Variants in NCBP3 observed in about 807,000 individuals in gnomAD.
NCBP3 encodes nuclear cap-binding protein subunit 3.
In NCBP3, 20 loss-of-function variants were observed where a neutral mutation model predicts 75.7. The ratio of observed to expected loss-of-function variants is 0.26; its 90% CI spans 0.19 to 0.38. The LOEUF is 0.38. Among genes scored for constraint, NCBP3 ranks in the 10% least tolerant of loss-of-function variants. NCBP3 has a pLI of 1.00. For missense variants in NCBP3, 678 were observed against 796.9 expected (o/e 0.85, Z 1.80); for synonymous variants, 293 against 290.5 (o/e 1.01, Z -0.09).
In NCBP3 at chr17:3,822,047, T is replaced by G. The variant is rs377701206; in HGVS notation, c.802A>C (p.Lys268Gln). The change falls in exon 8 of 13, where the codon AAA (lysine) becomes CAA (glutamine). Residue 268 changes from lysine (K) to glutamine (Q), a missense_variant. Coordinates refer to ENST00000389005, the MANE Select transcript of NCBP3 (RefSeq NM_001114118.3). ...LFMRFATKDD[K>Q]KELGAARRSQ... ...CTTCTGGCTGCTCCAAGTTCCTTTT[T>G]GTCATCTAAAAATTAATGACAATAG... 1.2e-6 allele frequency: 2 copies of G among 1,602,846 alleles called. No homozygotes were observed. The highest frequency in any genetic ancestry group is 8.5e-7 in the Non-Finnish European group (1 of 1,172,440).
rs1021034244 is a variant in NCBP3 at position 3,840,011 on chromosome 17, G to A, written c.355+89C>T. The A allele has an allele frequency of 8.0e-6, 8 of 1,004,830 alleles. No individual in the cohort carries two copies. The East Asian group carries it at 1.8e-4, about 23-fold the overall frequency. 62.2% of individuals were successfully genotyped at this position (1,004,830 alleles called of 1,614,324 possible). On this transcript the variant is annotated intron_variant, in intron 3 of 12. Coordinates refer to ENST00000389005, the MANE Select transcript of NCBP3 (RefSeq NM_001114118.3). ...GAGTGCTTGGATAAGGAGTGGACAC[G>A]CAAGGCAAGGCCAGAAGCATGAGGT...
chr17:3,830,776 G>A (rs1448946013), intron 3 of NCBP3, among the ~76,000 whole-genome samples: 1 of 151,428 alleles, frequency 6.6e-6, no homozygotes, highest in Non-Finnish European at 1.5e-5. Context: ...TAAGAGATGG[G>A]GTTTCACCAT....
chr17:3,817,103 C>A (rs1320104731), intron 10 of NCBP3, among the ~76,000 whole-genome samples: 1 of 152,172 alleles, frequency 6.6e-6, no homozygotes, highest in Non-Finnish European at 1.5e-5. Context: ...TTCCCCTCCC[C>A]ACAAACATAC....
At chr17:3,823,833 C>T (rs1054593136) in intron 7 of NCBP3, 1 of 152,128 alleles carries the variant, frequency 6.6e-6, no homozygotes, top group Non-Finnish European at 1.5e-5. Context: ...AGGACTGGGA[C>T]GAGTAAGTAT....
At chr17:3,830,098 C>T (rs1402555561) in intron 3 of NCBP3, among the ~76,000 whole-genome samples, 2 of 152,272 alleles carry the variant, frequency 1.3e-5, no homozygotes, top group Non-Finnish European at 2.9e-5. Flanking sequence ...AGGCTTACTT[C>T]CCCGGCTGGT....
chr17:3,826,610 A>C (rs1404765983), intron 4 of NCBP3, among the ~76,000 whole-genome samples: 1 of 151,018 alleles, frequency 6.6e-6, no homozygotes, highest in Non-Finnish European at 1.5e-5. Flanking sequence ...CAGCCTGGGT[A>C]ACAGGGTGAG....
chr17:3,834,395 T>A (rs1317958307), intron 3 of NCBP3, among the ~76,000 whole-genome samples: 1 of 152,248 alleles, frequency 6.6e-6, no homozygotes, highest in Non-Finnish European at 1.5e-5. Flanking sequence ...TGTTCTATGT[T>A]ACAAATTTTC....
intron 6 of NCBP3, 45 bp downstream of exon 6, chr17:3,825,722 A>G: frequency 2.1e-6 from 3 of 1,415,456 alleles, no homozygotes; most frequent in Middle Eastern, 3.5e-4. Context: ...GACAGTGAGC[A>G]ATTTTTTACA....
chr17:3,843,515 TGA>T (rs1473685846), intron 1 of NCBP3, among the ~76,000 whole-genome samples: 1 of 152,236 alleles, frequency 6.6e-6, no homozygotes, highest in African/African-American at 2.4e-5. Flanking sequence ...ATCACATGTG[TGA>T]GTCATCACAA....
At chr17:3,843,213 G>A in intron 1 of NCBP3, 62 bp from the exon 2 acceptor site, 1 of 1,354,172 alleles carries the variant, frequency 7.4e-7, no homozygotes, top group Non-Finnish European at 1.0e-6. Flanking sequence ...TATAATAAAA[G>A]TCGGCCTGAC....
chr17:3,829,479 G>T, intron 3 of NCBP3, 111 bp from the exon 4 acceptor site: 1 of 1,188,936 alleles, frequency 8.4e-7, no homozygotes, highest in Non-Finnish European at 1.2e-6. Context: ...AAAGAAACAT[G>T]CTGAGAGAAA....
chr17:3,812,553 C>G lies in NCBP3; in HGVS notation c.*491G>C. ...CGTGAGATTCGCCCCACACTAGGGT[C>G]CCGGAAGGGTGAGCTGGCCGCTTCC... On this transcript the variant is annotated 3_prime_UTR_variant, in exon 13 of 13. Coordinates refer to ENST00000389005, the MANE Select transcript of NCBP3 (RefSeq NM_001114118.3). 9.9e-7 allele frequency: 1 copy of G among 1,008,712 alleles called. No homozygotes were observed. The highest frequency in any genetic ancestry group is 1.2e-6 in the Non-Finnish European group (1 of 843,934). The allele number at this position is 1,008,712 out of a possible 1,614,324, so 62.5% of individuals were successfully genotyped here.
Position 3,844,815 on chromosome 17 carries a change from A to C in NCBP3, c.183+1226T>G, listed in dbSNP as rs570559690. The stretch of plus-strand genomic sequence containing the variant: ...CGGTGAGCCAAGATCAGGCCATTGT[A>C]CTTGGCTACTCAGGAGGCTGAGGCA... On this transcript the variant is annotated intron_variant, in intron 1 of 12. Coordinates refer to ENST00000389005, the MANE Select transcript of NCBP3 (RefSeq NM_001114118.3). 2.0e-5 allele frequency among the ~76,000 whole-genome samples: 3 copies of C among 152,164 alleles called. No homozygotes were observed. The South Asian group carries it at 6.2e-4, about 32-fold the overall frequency.
At chr17:3,813,388 T>C in intron 12 of NCBP3, 109 bp from the exon 13 acceptor site, 1 of 1,337,296 alleles carries the variant, frequency 7.5e-7, no homozygotes, top group Non-Finnish European at 1.0e-6. Flanking sequence ...ACGCCAGCAG[T>C]CTGTGGAGCC....
chr17:3,812,976 C>T lies in NCBP3; in HGVS notation c.*68G>A. The T allele has an allele frequency of 6.3e-7, 1 of 1,594,462 alleles. No homozygotes were observed. ...GGCGCCAGCTCCTGCGGGGGAGGTTCCTACTGCGCGCCCCACCCTGTGCAA... is the reference window on the plus strand; with the variant it reads ...GGCGCCAGCTCCTGCGGGGGAGGTTTCTACTGCGCGCCCCACCCTGTGCAA... On this transcript the variant is annotated 3_prime_UTR_variant, in exon 13 of 13. Coordinates refer to ENST00000389005, the MANE Select transcript of NCBP3 (RefSeq NM_001114118.3).
At position 3,817,698 on chromosome 17, in the gene NCBP3, A is replaced by C. The variant is rs1597395151; in HGVS notation, c.1310+565T>G. ...AAAGCAATACTTACCATCTTTTTAAACACATATTGTTTTGTGTAATAACTG... is the reference window on the plus strand; with the variant it reads ...AAAGCAATACTTACCATCTTTTTAACCACATATTGTTTTGTGTAATAACTG... On this transcript the variant is annotated intron_variant, in intron 10 of 12. Coordinates refer to ENST00000389005, the MANE Select transcript of NCBP3 (RefSeq NM_001114118.3). 2.0e-5 allele frequency among the ~76,000 whole-genome samples: 3 copies of C among 152,332 alleles called. No individual in the cohort carries two copies. In the East Asian group the frequency reaches 5.8e-4, roughly 29 times the overall value.
At chr17:3,842,628 T>C (rs1433011096) in intron 2 of NCBP3, among the ~76,000 whole-genome samples, 1 of 152,206 alleles carries the variant, frequency 6.6e-6, no homozygotes, top group African/African-American at 2.4e-5. Flanking sequence ...AAATGCTGCC[T>C]GTACCGTTTC....
intron 3 of NCBP3, among the ~76,000 whole-genome samples, chr17:3,838,271 G>C (rs1244102575): frequency 6.6e-6 from 1 of 152,248 alleles, no homozygotes; most frequent in African/African-American, 2.4e-5. Context: ...CAGAATGAAA[G>C]GCATGAGCCG....
chr17:3,822,030 T>A lies in NCBP3; in HGVS notation c.819A>T (p.Ala273=). The A allele has an allele frequency of 3.1e-6, 5 of 1,611,330 alleles. No individual in the cohort carries two copies. The highest frequency in any genetic ancestry group is 4.2e-6 in the Non-Finnish European group (5 of 1,178,490). The change falls in exon 8 of 13, where the codon GCA becomes GCT. Residue 273 remains alanine, a synonymous_variant. Transcript: ENST00000389005. ...TCATGTAATACTGACTTCTTCTGGC[T>A]GCTCCAAGTTCCTTTTTGTCATCTA... The part of the protein sequence containing the change: ...ATKDDKKELG[A]ARRSQYYMKY...
Sources: gnomAD v4.1 joint callset for allele counts (sites outside exome capture counted in the v4.1 genomes callset) on GRCh38, gnomAD v4.1.1 for gene constraint, MANE v1.5 for transcripts, NCBI Gene and HGNC (gene_info 2026-07-23, HGNC 2026-07-21) for gene names.